ZNF789: variants seen among roughly 807,000 people sequenced by gnomAD.
ZNF789 encodes zinc finger protein 789.
Under a neutral mutation model 15.6 loss-of-function variants are expected in ZNF789, and 11 were observed. The ratio of observed to expected loss-of-function variants is 0.70; its 90% CI spans 0.44 to 1.16. The LOEUF is 1.16. Among genes scored for constraint, ZNF789 ranks in the 50% most tolerant of loss-of-function variants. The probability of loss-of-function intolerance (pLI) is 0.00; values close to 1 mark genes in which losing one functional copy is unlikely to be tolerated. For synonymous variants in ZNF789, 159 were observed against 176.0 expected (o/e 0.90, Z 0.76); for missense variants, 461 against 512.6 (o/e 0.90, Z 0.97).
chr7:99,478,547 T>A (rs905138000), intron 2 of ZNF789: 87 of 409,626 alleles, frequency 2.1e-4, no homozygotes, highest in African/African-American at 1.5e-3. Flanking sequence ...GTTTGCCCTT[T>A]CCCTGCACAC....
chr7:99,479,823 T>C, intron 3 of ZNF789, 36 bp downstream of exon 3: 4 of 1,600,498 alleles, frequency 2.5e-6, no homozygotes, highest in Non-Finnish European at 3.4e-6. Context: ...TTTGTCTGTG[T>C]TCTGAGTGTC....
In ZNF789 at chr7:99,482,153, T is replaced by C. The variant is rs1395001855; in HGVS notation, c.152-1877T>C. 3 of 779,456 alleles carry C rather than the reference T, an allele frequency of 3.8e-6. No homozygotes were observed. The South Asian group carries it at 4.0e-5, about 10-fold the overall frequency. 48.3% of individuals were successfully genotyped at this position (779,456 alleles called of 1,614,324 possible). On this transcript the variant is annotated intron_variant, in intron 3 of 4. Transcript: ENST00000331410. The stretch of plus-strand genomic sequence containing the variant: ...TACGCTTGATTTAATTGTTCCCTTT[T>C]GATATTCAGTTTATTTCCAGTTTGA...
intron 2 of ZNF789, chr7:99,478,124 C>A: frequency 2.5e-6 from 1 of 407,032 alleles, no homozygotes; most frequent in South Asian, 2.2e-5. Context: ...TACAGTGAAA[C>A]AAAGTTATTC....
intron 3 of ZNF789, chr7:99,482,424 G>T: frequency 1.7e-6 from 1 of 586,564 alleles, no homozygotes; most frequent in Non-Finnish European, 3.0e-6. Flanking sequence ...GGTCAGGTGT[G>T]GAACTCTCCA....
chr7:99,483,841 A>C, intron 3 of ZNF789, 189 bp from the exon 4 acceptor site: 1 of 783,104 alleles, frequency 1.3e-6, no homozygotes, highest in Middle Eastern at 2.3e-4. Flanking sequence ...GAGTGAAATG[A>C]CCACAGCCAA....
At chr7:99,478,659 G>A (rs1344027509) in intron 2 of ZNF789, 1 of 334,162 alleles carries the variant, frequency 3.0e-6, no homozygotes, top group African/African-American at 2.2e-5. Context: ...GAGGGAGAGT[G>A]TGGCAGCTTC....
rs535568175 is a variant in ZNF789, at chr7:99,482,630, G to A, written c.152-1400G>A. 7.9e-5 allele frequency among the ~76,000 whole-genome samples: 12 copies of A among 151,346 alleles called. 1 individual carries two copies. In the South Asian group the frequency reaches 1.3e-3, roughly 16 times the overall value. On this transcript the variant is annotated intron_variant, in intron 3 of 4. Coordinates refer to ENST00000331410, the MANE Select transcript of ZNF789 (RefSeq NM_213603.3). ...CTTTGGGAGGGAGGTCAAGGTGGGCGGATCACCTGAGGTCGGGAGTTCGAG... is the reference window on the plus strand; with the variant it reads ...CTTTGGGAGGGAGGTCAAGGTGGGCAGATCACCTGAGGTCGGGAGTTCGAG...
In ZNF789 at chr7:99,487,392, C is replaced by T; in HGVS notation, c.1182C>T (p.Ser394=). The T allele has an allele frequency of 6.2e-7, 1 of 1,614,206 alleles. No homozygotes were observed. The highest frequency in any genetic ancestry group is 8.5e-7 in the Non-Finnish European group (1 of 1,180,030). The part of the protein sequence containing the change: ...LFRHQVIHTG[S]QPYQCVICGK... ...GACATCAGGTCATTCACACTGGAAG[C>T]CAACCCTACCAATGTGTCATATGTG... Residue 394 remains serine (S), a synonymous_variant, in exon 5 of 5, where the codon AGC becomes AGT. Transcript: ENST00000331410.
intron 1 of ZNF789, among the ~76,000 whole-genome samples, chr7:99,474,550 C>T (rs1169848966): frequency 6.6e-6 from 1 of 151,354 alleles, no homozygotes; most frequent in Non-Finnish European, 1.5e-5. Flanking sequence ...GCCGAGATCG[C>T]GCCACTGCAC....
At chr7:99,473,615 G>A (rs922348416) in intron 1 of ZNF789, among the ~76,000 whole-genome samples, 2 of 152,224 alleles carry the variant, frequency 1.3e-5, no homozygotes, top group Admixed American at 1.3e-4. Context: ...AGGGAAATAA[G>A]GAATTGTTGT....
Position 99,487,549 on chromosome 7 carries a change from A to G in ZNF789, c.*61A>G, listed in dbSNP as rs1800043111. ...TTATAAACCTCTACTTCAAGTGTGT[A>G]TCACGTAATTGTTTCCATGAAAAGC... On this transcript the variant is annotated 3_prime_UTR_variant, in exon 5 of 5. Coordinates refer to ENST00000331410, the MANE Select transcript of ZNF789 (RefSeq NM_213603.3). 3 of 1,526,034 alleles carry G rather than the reference A, an allele frequency of 2.0e-6. No individual in the cohort carries two copies. The South Asian group carries it at 3.8e-5, about 20-fold the overall frequency. The allele number at this position is 1,526,034 out of a possible 1,614,324, so 94.5% of individuals were successfully genotyped here.
Position 99,476,472 on chromosome 7 carries a change from A to AG in ZNF789, c.21dup (p.Lys8GlufsTer7). 1 of 1,612,198 alleles carries AG rather than the reference A, an allele frequency of 6.2e-7. No individual in the cohort carries two copies. The highest frequency in any genetic ancestry group is 8.5e-7 in the Non-Finnish European group (1 of 1,179,380). ...CGTGGAAGCCATGTTCCCACCAGCC[A>AG]GGGGGAAGGTGAGCTGTGCCTCCCC... On this transcript the variant is annotated frameshift_variant, in exon 2 of 5. Transcript: ENST00000331410. LOFTEE classifies it high-confidence loss of function.
Position 99,486,542 on chromosome 7 carries a change from C to A in ZNF789, c.332C>A (p.Ser111Ter). 1 of 1,614,088 alleles carries A rather than the reference C, an allele frequency of 6.2e-7. No individual in the cohort carries two copies. Among genetic ancestry groups the A allele is most frequent in the South Asian group, 1.1e-5 (1 of 91,040 alleles). ...CAGAAATTTTCTGAAGATTTAGAGT[C>A]ATATAAGATATCAGTGGTAATGCAG... is the stretch of plus-strand genomic sequence containing the variant. ...PKQKFSEDLESYKISVVMQES... is the reference protein window; with the variant it reads ...PKQKFSEDLE The change falls in exon 5 of 5, where the codon TCA becomes TAA. Residue 111 changes from serine (S) to a stop codon, truncating the protein, a stop_gained. Transcript: ENST00000331410. LOFTEE classifies it low-confidence loss of function (END_TRUNC).
chr7:99,476,268 C>A, intron 1 of ZNF789, 135 bp from the exon 2 acceptor site: 1 of 567,296 alleles, frequency 1.8e-6, no homozygotes, highest in African/African-American at 1.9e-5. Flanking sequence ...CATTTCATCA[C>A]ATGTTCCAAC....
In ZNF789 at chr7:99,487,524, T is replaced by C; in HGVS notation, c.*36T>C. 6.4e-7 allele frequency: 1 copy of C among 1,572,810 alleles called. No homozygotes were observed. Among genetic ancestry groups the C allele is most frequent in the East Asian group, 2.2e-5 (1 of 44,510 alleles). On this transcript the variant is annotated 3_prime_UTR_variant, in exon 5 of 5. Transcript: ENST00000331410. ...AAAGCAGTCATTGGAGAACTAGAAC[T>C]TATAAACCTCTACTTCAAGTGTGTA...
At chr7:99,484,209 C>A in intron 4 of ZNF789, 66 bp downstream of exon 4, 1 of 1,304,920 alleles carries the variant, frequency 7.7e-7, no homozygotes, top group Non-Finnish European at 1.1e-6. Flanking sequence ...TTAGTGAAGC[C>A]CCTTCTGTGT....
chr7:99,486,445 T>G, intron 4 of ZNF789, 31 bp from the exon 5 acceptor site: 1 of 1,583,400 alleles, frequency 6.3e-7, no homozygotes, highest in Non-Finnish European at 8.6e-7. Context: ...AGTGGATAGG[T>G]CATTTACATC....
rs1245487067 is a variant in ZNF789, at chr7:99,487,166, G to T, written c.956G>T (p.Gly319Val). The change falls in exon 5 of 5, where the codon GGA (glycine) becomes GTA (valine). Residue 319 changes from glycine to valine, a missense_variant. Coordinates refer to ENST00000331410, the MANE Select transcript of ZNF789 (RefSeq NM_213603.3). Reference sequence around the variant, plus strand: ...AAACGCCATAAATGCCTTGAGTGTGGAAAAGCCTTTGGCCGGCATTCAACC... The same window carrying T: ...AAACGCCATAAATGCCTTGAGTGTGTAAAAGCCTTTGGCCGGCATTCAACC... ...GEKRHKCLECGKAFGRHSTLL... is the reference protein window; with the variant it reads ...GEKRHKCLECVKAFGRHSTLL... 1 of 1,614,128 alleles carries T rather than the reference G, an allele frequency of 6.2e-7. No homozygotes were observed. The highest frequency in any genetic ancestry group is 1.1e-5 in the South Asian group (1 of 91,084).
In ZNF789 at chr7:99,487,356, G is replaced by A. The variant is rs780268259; in HGVS notation, c.1146G>A (p.Arg382=). Residue 382 remains arginine (R), a synonymous_variant, in exon 5 of 5, where the codon AGG becomes AGA. Coordinates refer to ENST00000331410, the MANE Select transcript of ZNF789 (RefSeq NM_213603.3). ...GECGKTFSFK[R]NLFRHQVIHT... Reference sequence around the variant, plus strand: ...GTGGGAAAACGTTTAGTTTTAAGAGGAATCTTTTTCGACATCAGGTCATTC... The same window carrying A: ...GTGGGAAAACGTTTAGTTTTAAGAGAAATCTTTTTCGACATCAGGTCATTC... 3.0e-5 allele frequency: 48 copies of A among 1,614,082 alleles called. 1 individual carries two copies. The South Asian group carries it at 5.3e-4, about 18-fold the overall frequency.
Sources: gnomAD v4.1 joint callset for allele counts (sites outside exome capture counted in the v4.1 genomes callset) on GRCh38, gnomAD v4.1.1 for gene constraint, MANE v1.5 for transcripts, NCBI Gene and HGNC (gene_info 2026-07-23, HGNC 2026-07-21) for gene names.